COL19A1: variants seen among roughly 807,000 people sequenced by gnomAD.
COL19A1 encodes collagen alpha-1(XIX) chain.
A neutral mutation model predicts 190.2 loss-of-function variants in COL19A1; 159 were observed. The ratio of observed to expected loss-of-function variants is 0.84; its 90% CI spans 0.73 to 0.95. The LOEUF (loss-of-function observed/expected upper bound fraction) is 0.95, where lower values mean the gene tolerates loss of function less well. Among genes scored for constraint, COL19A1 ranks in the 40% least tolerant of loss-of-function variants. The pLI, the probability that COL19A1 is intolerant of heterozygous loss-of-function variation, is 0.00. For synonymous variants in COL19A1, 509 were observed against 458.9 expected, an observed-to-expected ratio of 1.11 and a Z score of -1.39; for missense variants, 1,418 against 1,431.9, an observed-to-expected ratio of 0.99 and a Z score of 0.16.
intron 4 of COL19A1, among the ~76,000 whole-genome samples, chr6:69,925,882 C>T (rs1417891791): frequency 6.6e-6 from 1 of 152,104 alleles, no homozygotes; most frequent in Non-Finnish European, 1.5e-5. Flanking sequence ...ATTTGGCTCT[C>T]TGTTTGTTTG....
intron 4 of COL19A1, among the ~76,000 whole-genome samples, chr6:69,927,519 A>G (rs1299720783): frequency 6.6e-6 from 1 of 152,184 alleles, no homozygotes; most frequent in Non-Finnish European, 1.5e-5. Flanking sequence ...TTCTTTGGAA[A>G]ATATTTGTTT....
At chr6:70,159,090 C>T (rs1787616436) in intron 34 of COL19A1, among the ~76,000 whole-genome samples, 1 of 150,786 alleles carries the variant, frequency 6.6e-6, no homozygotes, top group Admixed American at 6.6e-5. Context: ...ATAAATTAGA[C>T]TATCTAAAAA....
chr6:70,156,502 A>G (rs894361091), intron 33 of COL19A1, 133 bp downstream of exon 33: 7 of 989,256 alleles, frequency 7.1e-6, no homozygotes, highest in South Asian at 3.3e-5. Context: ...ATGGAGAGAG[A>G]GAGAGAGAGA....
chr6:70,125,960 GA>G (rs76740599), intron 17 of COL19A1, among the ~76,000 whole-genome samples: 26 of 151,180 alleles, frequency 1.7e-4, no homozygotes, highest in Non-Finnish European at 2.5e-4. Flanking sequence ...TTTAAATGGA[GA>G]AAAAAAAATA....
intron 11 of COL19A1, among the ~76,000 whole-genome samples, chr6:70,005,893 G>A (rs1777590143): frequency 6.6e-6 from 1 of 152,182 alleles, no homozygotes; most frequent in Admixed American, 6.5e-5. Context: ...GAACTGCCCA[G>A]TGAGGAAGGA....
intron 7 of COL19A1, among the ~76,000 whole-genome samples, chr6:69,934,777 T>C (rs1281389094): frequency 2.0e-5 from 3 of 152,034 alleles, no homozygotes; most frequent in Non-Finnish European, 4.4e-5. Flanking sequence ...ATTCATTTAA[T>C]GACTAACAAA....
At chr6:70,155,551 C>A (rs1287716035) in intron 31 of COL19A1, among the ~76,000 whole-genome samples, 1 of 152,134 alleles carries the variant, frequency 6.6e-6, no homozygotes, top group Non-Finnish European at 1.5e-5. Flanking sequence ...TTCCTATTGT[C>A]ACTTGGATAT....
chr6:70,161,420 G>T (rs1249295039), intron 34 of COL19A1, among the ~76,000 whole-genome samples: 3 of 152,130 alleles, frequency 2.0e-5, no homozygotes, highest in African/African-American at 7.2e-5. Context: ...ATTAAATTAT[G>T]TTTGCTTCAG....
At chr6:69,957,105 T>TC (rs1388356416) in intron 9 of COL19A1, among the ~76,000 whole-genome samples, 115 of 152,208 alleles carry the variant, frequency 7.6e-4, no homozygotes, top group Non-Finnish European at 1.3e-3. Context: ...GGAATGTGAT[T>TC]TTTTTTATCA....
intron 25 of COL19A1, among the ~76,000 whole-genome samples, chr6:70,146,384 G>C (rs1008797381): frequency 3.3e-5 from 5 of 151,944 alleles, no homozygotes; most frequent in Non-Finnish European, 5.9e-5. Context: ...ATATGCCTTT[G>C]TTTTTCATCT....
At position 70,199,624 on chromosome 6, in the gene COL19A1, C is replaced by T. The variant is rs1171086108; in HGVS notation, c.3111C>T (p.Phe1037=). 6.3e-7 allele frequency: 1 copy of T among 1,599,072 alleles called. No individual in the cohort carries two copies. The highest frequency in any genetic ancestry group is 8.5e-7 in the Non-Finnish European group (1 of 1,171,398). The change falls in exon 49 of 51, where the codon TTC becomes TTT. Residue 1037 remains phenylalanine (F), a synonymous_variant. Transcript: ENST00000620364. ...TACATGAAGAGAGGATGGCTGTATT[C>T]CTATCCCAGCTCAAGCTGCCAGCAG... ...LRIFEERMAV[F]LSQLKLPAAM...
At chr6:69,977,858 A>G (rs1162529880) in intron 11 of COL19A1, among the ~76,000 whole-genome samples, 1 of 152,208 alleles carries the variant, frequency 6.6e-6, no homozygotes, top group African/African-American at 2.4e-5. Context: ...TCTTTCATGA[A>G]TCAAACAAGA....
At position 70,068,486 on chromosome 6, in the gene COL19A1, G is replaced by T. The variant is rs2224513; in HGVS notation, c.1224+10G>T. The T allele has an allele frequency of 1.3e-6, 2 of 1,561,816 alleles. No individual in the cohort carries two copies. Among genetic ancestry groups the T allele is most frequent in the Non-Finnish European group, 1.8e-6 (2 of 1,139,338 alleles). ...AAAAGAGGGTCAGAGGGTAAGTAAA[G>T]CTGGAACAACTGGTGGGCATTACTA... On this transcript the variant is annotated intron_variant, in intron 15 of 50. Transcript: ENST00000620364.
chr6:70,168,566 G>C, intron 39 of COL19A1, 89 bp from the exon 40 acceptor site: 1 of 1,286,580 alleles, frequency 7.8e-7, no homozygotes, highest in Non-Finnish European at 1.1e-6. Context: ...ATTCGTATGT[G>C]TATTAAGGCA....
At chr6:69,971,384 G>A (rs1003347001) in intron 11 of COL19A1, among the ~76,000 whole-genome samples, 2 of 152,150 alleles carry the variant, frequency 1.3e-5, no homozygotes, top group Non-Finnish European at 2.9e-5. Context: ...AAGCCAGGTT[G>A]GAGTTTCCTG....
chr6:70,096,234 A>G (rs1294026627), intron 15 of COL19A1, among the ~76,000 whole-genome samples: 1 of 151,152 alleles, frequency 6.6e-6, no homozygotes. Flanking sequence ...GGCATATGCC[A>G]TATGCCACCA....
intron 1 of COL19A1, among the ~76,000 whole-genome samples, chr6:69,870,591 G>T (rs975591797): frequency 3.0e-4 from 45 of 152,212 alleles, no homozygotes; most frequent in African/African-American, 9.6e-4. Flanking sequence ...AGGACAGGTG[G>T]TTGGACAGAT....
intron 2 of COL19A1, among the ~76,000 whole-genome samples, chr6:69,884,241 A>G (rs1173752205): frequency 6.6e-6 from 1 of 152,024 alleles, no homozygotes; most frequent in Non-Finnish European, 1.5e-5. Context: ...AGGCTGAGGC[A>G]GGAGAATCAC....
At chr6:70,026,735 A>G (rs928801261) in intron 12 of COL19A1, among the ~76,000 whole-genome samples, 2 of 152,286 alleles carry the variant, frequency 1.3e-5, no homozygotes, top group African/African-American at 4.8e-5. Context: ...TTCACAAGGA[A>G]TTTGAAATTT....
Sources: gnomAD v4.1 joint callset for allele counts (sites outside exome capture counted in the v4.1 genomes callset) on GRCh38, gnomAD v4.1.1 for gene constraint, MANE v1.5 for transcripts, NCBI Gene and HGNC (gene_info 2026-07-23, HGNC 2026-07-21) for gene names.